Variants in PRKAR2B observed in about 807,000 individuals in gnomAD.
PRKAR2B encodes protein kinase cAMP-dependent type II regulatory subunit beta.
PRKAR2B carries 14 observed loss-of-function variants against 49.9 expected under a neutral mutation model. The observed-to-expected ratio is 0.28, with a 90% CI of 0.19 to 0.44. PRKAR2B has a LOEUF of 0.44. PRKAR2B is among the 20% of genes least tolerant of loss of function. The pLI is 1.00. For synonymous variants in PRKAR2B, 196 were observed against 197.7 expected (o/e 0.99, Z 0.07); for missense variants, 393 against 537.9 (o/e 0.73, Z 2.67).
chr7:107,135,829 A>G (rs1158265771), intron 4 of PRKAR2B, among the ~76,000 whole-genome samples: 1 of 152,164 alleles, frequency 6.6e-6, no homozygotes, highest in Non-Finnish European at 1.5e-5. Context: ...CAGTCCCAAC[A>G]AACGGATCCT....
chr7:107,083,955 T>G (rs1406777534), intron 2 of PRKAR2B, among the ~76,000 whole-genome samples: 2 of 152,172 alleles, frequency 1.3e-5, no homozygotes, highest in Non-Finnish European at 2.9e-5. Context: ...TATAGACTAG[T>G]AGGACCGTCA....
chr7:107,126,996 T>C (rs1329017612), intron 3 of PRKAR2B, among the ~76,000 whole-genome samples: 1 of 152,224 alleles, frequency 6.6e-6, no homozygotes. Flanking sequence ...ATAATGCAAA[T>C]AAATGGTATA....
intron 2 of PRKAR2B, among the ~76,000 whole-genome samples, chr7:107,084,387 T>C (rs1794575633): frequency 6.6e-6 from 1 of 152,184 alleles, no homozygotes; most frequent in African/African-American, 2.4e-5. Context: ...TATTATCTTT[T>C]CAGCTAGAAA....
chr7:107,056,377 A>G (rs958952882), intron 1 of PRKAR2B, among the ~76,000 whole-genome samples: 12 of 152,138 alleles, frequency 7.9e-5, no homozygotes, highest in South Asian at 2.1e-4. Flanking sequence ...CTTGATGGGG[A>G]TGGCATTGAA....
intron 2 of PRKAR2B, among the ~76,000 whole-genome samples, chr7:107,071,414 A>G (rs1205023052): frequency 6.6e-6 from 1 of 152,220 alleles, no homozygotes; most frequent in Non-Finnish European, 1.5e-5. Context: ...CTACTTTATC[A>G]TTCTGAGCTT....
At chr7:107,076,105 T>C (rs1453817656) in intron 2 of PRKAR2B, among the ~76,000 whole-genome samples, 19 of 152,174 alleles carry the variant, frequency 1.2e-4, no homozygotes, top group Admixed American at 8.5e-4. Context: ...TCCCCAGATG[T>C]TGATATTTTG....
intron 2 of PRKAR2B, among the ~76,000 whole-genome samples, chr7:107,102,646 A>T (rs1305018737): frequency 6.6e-6 from 1 of 152,172 alleles, no homozygotes; most frequent in Non-Finnish European, 1.5e-5. Flanking sequence ...TTCATCAAGA[A>T]TATATTTATA....
chr7:107,063,031 T>G (rs1262086803), intron 1 of PRKAR2B, among the ~76,000 whole-genome samples: 1 of 152,178 alleles, frequency 6.6e-6, no homozygotes, highest in African/African-American at 2.4e-5. Context: ...TGAAACTGTG[T>G]CTCACTCTGT....
intron 2 of PRKAR2B, among the ~76,000 whole-genome samples, chr7:107,085,645 A>G (rs1356243326): frequency 1.3e-5 from 2 of 152,300 alleles, no homozygotes; most frequent in Admixed American, 1.3e-4. Flanking sequence ...GCACATACAT[A>G]TTTAGTTGAA....
At chr7:107,124,088 C>T (rs758621539) in intron 3 of PRKAR2B, among the ~76,000 whole-genome samples, 4 of 152,176 alleles carry the variant, frequency 2.6e-5, no homozygotes, top group Non-Finnish European at 5.9e-5. Context: ...TGTATTACTT[C>T]TGAGACTCAC....
At chr7:107,054,076 T>C (rs1793863139) in intron 1 of PRKAR2B, among the ~76,000 whole-genome samples, 1 of 152,064 alleles carries the variant, frequency 6.6e-6, no homozygotes, top group Non-Finnish European at 1.5e-5. Flanking sequence ...AGGCCGTGTG[T>C]GGTGGCTCAC....
chr7:107,149,895 G>A (rs111480722), intron 6 of PRKAR2B, among the ~76,000 whole-genome samples: 148 of 151,934 alleles, frequency 9.7e-4, no homozygotes, highest in Middle Eastern at 3.4e-3. Context: ...TGCTTGAGGG[G>A]GCAGATACCC....
rs1794242199 is a variant in PRKAR2B, at chr7:107,070,398, A to G, written c.343+82A>G. On this transcript the variant is annotated intron_variant, in intron 2 of 10. Transcript: ENST00000265717. ...AATATTGGACAAGAAGGTACAAAGA[A>G]TAATTGCTGTATAGTAAACCTTTAT... is the stretch of plus-strand genomic sequence containing the variant. 1.6e-5 allele frequency: 19 copies of G among 1,225,248 alleles called. No individual in the cohort carries two copies. The Admixed American group carries it at 3.2e-4, about 20-fold the overall frequency. 75.9% of individuals were successfully genotyped at this position (1,225,248 alleles called of 1,614,324 possible).
intron 3 of PRKAR2B, among the ~76,000 whole-genome samples, chr7:107,123,926 T>G (rs931536025): frequency 2.6e-5 from 4 of 152,240 alleles, no homozygotes; most frequent in Admixed American, 2.0e-4. Context: ...ATACTTACTT[T>G]AGTCTCAACA....
At chr7:107,093,501 C>T (rs959301203) in intron 2 of PRKAR2B, among the ~76,000 whole-genome samples, 1 of 132,180 alleles carries the variant, frequency 7.6e-6, no homozygotes, top group Non-Finnish European at 1.7e-5. Flanking sequence ...GTCCAGTGCC[C>T]ACTTTTTTTT....
At chr7:107,064,619 C>T (rs1031766251) in intron 1 of PRKAR2B, among the ~76,000 whole-genome samples, 10 of 152,270 alleles carry the variant, frequency 6.6e-5, no homozygotes, top group African/African-American at 2.4e-4. Context: ...GACCATGAAG[C>T]CTTGGAGGGT....
chr7:107,156,263 A>T (rs1158844828), intron 8 of PRKAR2B, among the ~76,000 whole-genome samples: 1 of 152,034 alleles, frequency 6.6e-6, no homozygotes, highest in Non-Finnish European at 1.5e-5. Flanking sequence ...GATTTAAAGT[A>T]AAATTTTAAA....
rs1476049045 is a variant in PRKAR2B at position 107,159,590 on chromosome 7, G to A, written c.*8G>A. ...GTTGAACCCACTGCATGAAGCAAAA[G>A]TATGGAGCAAGACCTGTAGTGACAA... is the stretch of plus-strand genomic sequence containing the variant. On this transcript the variant is annotated 3_prime_UTR_variant, in exon 11 of 11. Transcript: ENST00000265717. 6.2e-7 allele frequency: 1 copy of A among 1,614,044 alleles called. No individual in the cohort carries two copies. Among genetic ancestry groups the A allele is most frequent in the Admixed American group, 1.7e-5 (1 of 60,018 alleles).
chr7:107,125,061 A>G (rs183125982), intron 3 of PRKAR2B, among the ~76,000 whole-genome samples: 60 of 152,178 alleles, frequency 3.9e-4, no homozygotes, highest in Non-Finnish European at 8.1e-4. Context: ...GTGTCAGGAA[A>G]TATTATCATT....
Sources: gnomAD v4.1 joint callset for allele counts (sites outside exome capture counted in the v4.1 genomes callset) on GRCh38, gnomAD v4.1.1 for gene constraint, MANE v1.5 for transcripts, NCBI Gene and HGNC (gene_info 2026-07-23, HGNC 2026-07-21) for gene names.